The following IL1RAPL2 variants were observed in gnomAD, a reference collection of about 807,000 sequenced individuals.
IL1RAPL2 encodes the protein X-linked interleukin-1 receptor accessory protein-like 2.
IL1RAPL2 carries 3 observed loss-of-function variants against 44.1 expected under a neutral mutation model. The ratio of observed to expected loss-of-function variants is 0.07; its 90% CI spans 0.03 to 0.18. The LOEUF (loss-of-function observed/expected upper bound fraction) is 0.18, where lower values mean the gene tolerates loss of function less well. IL1RAPL2 is among the 10% of genes least tolerant of loss of function. The probability of loss-of-function intolerance (pLI) is 1.00; values close to 1 mark genes in which losing one functional copy is unlikely to be tolerated. For missense variants in IL1RAPL2, 391 were observed against 496.4 expected (o/e 0.79, Z 2.02); for synonymous variants, 181 against 178.8 (o/e 1.01, Z -0.10).
chrX:105,204,457 C>G (rs1000260896), intron 3 of IL1RAPL2, among the ~76,000 whole-genome samples: 7 of 112,040 alleles, frequency 6.2e-5, no homozygotes, highest in African/African-American at 2.3e-4. Flanking sequence ...TGCAATAACT[C>G]TAGTCCCAGG....
At chrX:105,474,933 T>C (rs2036188483) in intron 5 of IL1RAPL2, among the ~76,000 whole-genome samples, 1 of 111,092 alleles carries the variant, frequency 9.0e-6, no homozygotes, top group Non-Finnish European at 1.9e-5. Context: ...GCTATGACCT[T>C]GGACTCAAGG....
chrX:104,584,595 T>C (rs1282442947), intron 1 of IL1RAPL2, among the ~76,000 whole-genome samples: 2 of 111,007 alleles, frequency 1.8e-5, no homozygotes, highest in Admixed American at 1.9e-4. Flanking sequence ...TCTCAGTGGT[T>C]CCTGACCCAA....
chrX:105,766,762 A>C (rs897143878), intron 10 of IL1RAPL2, among the ~76,000 whole-genome samples: 2 of 108,300 alleles, frequency 1.8e-5, no homozygotes, highest in African/African-American at 6.9e-5. Flanking sequence ...CACTGTAAGT[A>C]ATGGTGAGGG....
chrX:105,448,106 C>CA (rs1480987294), intron 5 of IL1RAPL2, among the ~76,000 whole-genome samples: 13 of 95,089 alleles, frequency 1.4e-4, no homozygotes, highest in African/African-American at 6.7e-4. Flanking sequence ...AGTCTGCTGC[C>CA]ATATATATTG....
At chrX:104,635,827 CCTT>C (rs1386588979) in intron 1 of IL1RAPL2, among the ~76,000 whole-genome samples, 2 of 111,883 alleles carry the variant, frequency 1.8e-5, no homozygotes, top group African/African-American at 3.2e-5. Context: ...TCGTCTGAAG[CCTT>C]CTTCTCTCAA....
chrX:104,909,826 G>A (rs965513128), intron 2 of IL1RAPL2, among the ~76,000 whole-genome samples: 2 of 112,591 alleles, frequency 1.8e-5, no homozygotes, highest in Non-Finnish European at 3.8e-5. Context: ...CCTAGAGGTG[G>A]AGCCTACAGA....
At chrX:104,832,946 A>G (rs1921651206) in intron 2 of IL1RAPL2, among the ~76,000 whole-genome samples, 2 of 111,518 alleles carry the variant, frequency 1.8e-5, no homozygotes, top group South Asian at 7.5e-4. Flanking sequence ...TCATAAATTT[A>G]CACTTAGGAT....
intron 5 of IL1RAPL2, among the ~76,000 whole-genome samples, chrX:105,276,179 G>C (rs959502329): frequency 8.9e-6 from 1 of 112,284 alleles, no homozygotes. Flanking sequence ...ACCGGGATGG[G>C]CGGATCACCT....
At chrX:104,884,621 C>T (rs1351370542) in intron 2 of IL1RAPL2, among the ~76,000 whole-genome samples, 1 of 111,443 alleles carries the variant, frequency 9.0e-6, no homozygotes, top group African/African-American at 3.3e-5. Flanking sequence ...TATTCTCTCT[C>T]TGATGGGGAA....
chrX:105,151,013 A>G (rs1175907664), intron 2 of IL1RAPL2, among the ~76,000 whole-genome samples: 1 of 112,354 alleles, frequency 8.9e-6, no homozygotes, highest in Non-Finnish European at 1.9e-5. Flanking sequence ...AGTTTGCTAT[A>G]TATTTTCAAG....
At chrX:104,590,754 C>T (rs765999404) in intron 1 of IL1RAPL2, among the ~76,000 whole-genome samples, 11 of 111,748 alleles carry the variant, frequency 9.8e-5, no homozygotes, top group Admixed American at 7.6e-4. Flanking sequence ...TTTTTGGCCT[C>T]GGTTTTCTGA....
chrX:104,652,326 A>G (rs1260785046), intron 1 of IL1RAPL2, among the ~76,000 whole-genome samples: 1 of 112,067 alleles, frequency 8.9e-6, no homozygotes, highest in East Asian at 2.8e-4. Flanking sequence ...TCAGATCTGG[A>G]TAATCCCATG....
intron 5 of IL1RAPL2, among the ~76,000 whole-genome samples, chrX:105,388,286 G>C (rs1223188658): frequency 5.3e-5 from 5 of 93,847 alleles, no homozygotes; most frequent in Non-Finnish European, 8.1e-5. Flanking sequence ...AAAGCATATA[G>C]AGTATACATG....
intron 2 of IL1RAPL2, among the ~76,000 whole-genome samples, chrX:105,070,220 T>C (rs1213421421): frequency 8.9e-6 from 1 of 111,807 alleles, no homozygotes; most frequent in African/African-American, 3.3e-5. Flanking sequence ...TGCCATACAC[T>C]GAGGCAACAG....
intron 5 of IL1RAPL2, among the ~76,000 whole-genome samples, chrX:105,280,894 A>C (rs1293082965): frequency 9.0e-6 from 1 of 111,596 alleles, no homozygotes; most frequent in African/African-American, 3.3e-5. Flanking sequence ...AGAACTAGAA[A>C]TACCATTTGA....
At chrX:104,900,895 A>G (rs944440844) in intron 2 of IL1RAPL2, among the ~76,000 whole-genome samples, 4 of 111,702 alleles carry the variant, frequency 3.6e-5, no homozygotes, top group Non-Finnish European at 5.6e-5. Flanking sequence ...AGGAATGGGA[A>G]CAATGGTGCA....
chrX:104,756,827 T>C (rs1223742085), intron 2 of IL1RAPL2, among the ~76,000 whole-genome samples: 3 of 109,291 alleles, frequency 2.7e-5, no homozygotes, highest in Middle Eastern at 4.6e-3. Flanking sequence ...GCCATGTGGA[T>C]ATTTGGGGGA....
At chrX:104,796,779 G>GT (rs1457127016) in intron 2 of IL1RAPL2, among the ~76,000 whole-genome samples, 2 of 111,118 alleles carry the variant, frequency 1.8e-5, no homozygotes, top group Admixed American at 9.5e-5. Flanking sequence ...TTGTTTGTTT[G>GT]TTTGTTTTGA....
chrX:104,797,031 C>T (rs1176303062), intron 2 of IL1RAPL2, among the ~76,000 whole-genome samples: 2 of 110,885 alleles, frequency 1.8e-5, no homozygotes, highest in African/African-American at 3.3e-5. Context: ...CTCGGCCTCC[C>T]AAAGTGCTGG....
Sources: allele counts gnomAD v4.1 joint callset (sites outside exome capture counted in the v4.1 genomes callset), GRCh38; gene constraint gnomAD v4.1.1; transcripts MANE v1.5; gene names NCBI Gene and HGNC (gene_info 2026-07-23, HGNC 2026-07-21).